SFRP5: variants seen among roughly 807,000 people sequenced by gnomAD.
SFRP5 encodes the protein secreted frizzled related protein 5.
In SFRP5, 22 loss-of-function variants were observed where a neutral mutation model predicts 27.0. That is an observed-to-expected ratio of 0.82 (90% CI 0.58 to 1.17). The LOEUF is 1.17. Among genes scored for constraint, SFRP5 ranks in the 50% most tolerant of loss-of-function variants. The pLI is 0.00. For missense variants in SFRP5, 406 were observed against 436.6 expected (o/e 0.93, Z 0.63); for synonymous variants, 171 against 195.0 (o/e 0.88, Z 1.03).
intron 2 of SFRP5, among the ~76,000 whole-genome samples, chr10:97,768,725 A>T (rs1181863549): frequency 2.0e-5 from 3 of 152,090 alleles, no homozygotes; most frequent in Admixed American, 6.5e-5. Flanking sequence ...CCAGAGAGCC[A>T]TGGTGCAGGT....
Position 97,771,856 on chromosome 10 carries a change from C to A in SFRP5, c.-23G>T. 9.6e-7 allele frequency: 1 copy of A among 1,046,546 alleles called. No individual in the cohort carries two copies. Among genetic ancestry groups the A allele is most frequent in the Non-Finnish European group, 1.1e-6 (1 of 871,234 alleles). 64.8% of individuals were successfully genotyped at this position (1,046,546 alleles called of 1,614,324 possible). ...CATGGCTGCGCCCTCTCCAGGTGCG[C>A]GCCGCGCAGCCCCCCGACGCTCGGT... On this transcript the variant is annotated 5_prime_UTR_variant, in exon 1 of 3. Transcript: ENST00000266066. The surrounding 1 kb of genome is among the most constrained non-coding windows in gnomAD (Gnocchi z 5.2).
In SFRP5 at chr10:97,770,227, G is replaced by C. The variant is rs185564960; in HGVS notation, c.530-482C>G. ...TGAGATTACAGGCGTGTGCCACCAC[G>C]CTCGGCTAATTTTTGTATTTTCAGT... On this transcript the variant is annotated intron_variant, in intron 1 of 2. Coordinates refer to ENST00000266066, the MANE Select transcript of SFRP5 (RefSeq NM_003015.3). Among the ~76,000 whole-genome samples the C allele has an allele frequency of 4.6e-4, 70 of 152,260 alleles. No individual in the cohort carries two copies. In the East Asian group the frequency reaches 0.013, roughly 29 times the overall value.
chr10:97,767,498 C>T lies in SFRP5; in HGVS notation c.*16G>A, dbSNP rs1014329838. The T allele has an allele frequency of 1.1e-5, 18 of 1,572,876 alleles. No homozygotes were observed. The highest frequency in any genetic ancestry group is 5.3e-5 in the Admixed American group (3 of 57,000). ...GGCAAGCAAGGCACAGCTGGCAGGG[C>T]AAGGAGGAGTGCCCTTCAGTGGGGC... On this transcript the variant is annotated 3_prime_UTR_variant, in exon 3 of 3. Coordinates refer to ENST00000266066, the MANE Select transcript of SFRP5 (RefSeq NM_003015.3).
intron 2 of SFRP5, among the ~76,000 whole-genome samples, chr10:97,768,727 G>T (rs1423338489): frequency 6.6e-6 from 1 of 152,080 alleles, no homozygotes; most frequent in Non-Finnish European, 1.5e-5. Flanking sequence ...AGAGAGCCAT[G>T]GTGCAGGTCA....
intron 2 of SFRP5, among the ~76,000 whole-genome samples, chr10:97,769,048 C>T (rs2049501220): frequency 6.6e-6 from 1 of 152,176 alleles, no homozygotes; most frequent in South Asian, 2.1e-4. Flanking sequence ...TTATCATCTC[C>T]TTTTTTCTTT....
chr10:97,767,867 G>GA lies in SFRP5; in HGVS notation c.608-8dup, dbSNP rs1398606421. Reference sequence around the variant, plus strand: ...TTGATGCGCATTTTGACCACTGTGGGAAGAAAGGACAGGGGCAAGTTGGGA... The same window carrying GA: ...TTGATGCGCATTTTGACCACTGTGGGAAAGAAAGGACAGGGGCAAGTTGGGA... On this transcript the variant is annotated splice_region_variant and splice_polypyrimidine_tract_variant and intron_variant, in intron 2 of 2. Transcript: ENST00000266066. 1 of 1,519,616 alleles carries GA rather than the reference G, an allele frequency of 6.6e-7. No homozygotes were observed. Among genetic ancestry groups the GA allele is most frequent in the East Asian group, 2.3e-5 (1 of 44,126 alleles). The allele number at this position is 1,519,616 out of a possible 1,614,324, so 94.1% of individuals were successfully genotyped here.
Position 97,771,700 on chromosome 10 carries a change from C to A in SFRP5, c.134G>T (p.Arg45Leu), listed in dbSNP as rs763199482. 1.3e-6 allele frequency: 2 copies of A among 1,598,356 alleles called. No homozygotes were observed. The highest frequency in any genetic ancestry group is 1.7e-6 in the Non-Finnish European group (2 of 1,179,376). ...YGWQAEPLHG[R>L]SYSKPPQCLD... ...GCACTGCGGCGGCTTGGAGTAGGAG[C>A]GGCCGTGCAGCGGCTCGGCCTGCCA... Residue 45 changes from arginine to leucine, a missense_variant, in exon 1 of 3, where the codon CGC becomes CTC. Coordinates refer to ENST00000266066, the MANE Select transcript of SFRP5 (RefSeq NM_003015.3). The surrounding 1 kb of genome is among the most constrained non-coding windows in gnomAD (Gnocchi z 5.2).
At chr10:97,770,753 C>G (rs545586957) in intron 1 of SFRP5, among the ~76,000 whole-genome samples, 1 of 152,304 alleles carries the variant, frequency 6.6e-6, no homozygotes, top group Non-Finnish European at 1.5e-5. Flanking sequence ...GGGTGGAGAT[C>G]TTAGGGTTCC....
chr10:97,768,572 GTGTA>G (rs1244552468), intron 2 of SFRP5, among the ~76,000 whole-genome samples: 1 of 152,210 alleles, frequency 6.6e-6, no homozygotes, highest in Non-Finnish European at 1.5e-5. Context: ...GTACAGTAAT[GTGTA>G]TGTGTGTGAG....
intron 1 of SFRP5, 98 bp from the exon 2 acceptor site, chr10:97,769,843 C>G (rs1490789223): frequency 2.6e-6 from 2 of 761,746 alleles, no homozygotes; most frequent in East Asian, 2.7e-5. Flanking sequence ...TGACCAGCCA[C>G]TTCCCCTTGC....
chr10:97,767,758 C>G lies in SFRP5; in HGVS notation c.710G>C (p.Arg237Pro). The change falls in exon 3 of 3, where the codon CGC becomes CCC. Residue 237 changes from arginine (R) to proline (P), a missense_variant. Transcript: ENST00000266066. ...CAGCACCAGCCGCTTGGTGTCCTTG[C>G]GCTTCAGGGGGCCCGGCTTGAGCAG... ...KKLLKPGPLK[R>P]KDTKRLVLHM... 1 of 1,600,718 alleles carries G rather than the reference C, an allele frequency of 6.2e-7. No homozygotes were observed. Among genetic ancestry groups the G allele is most frequent in the East Asian group, 2.2e-5 (1 of 44,682 alleles).
intron 1 of SFRP5, among the ~76,000 whole-genome samples, chr10:97,770,656 C>T (rs1010904892): frequency 2.6e-5 from 4 of 152,210 alleles, no homozygotes; most frequent in African/African-American, 9.6e-5. Context: ...TGCCTAAGGG[C>T]TTCTCTTCAG....
At position 97,767,208 on chromosome 10, in the gene SFRP5, C is replaced by T. The variant is rs962316438; in HGVS notation, c.*306G>A. ...ACACCACCTTCTACTCTGAAACCTC[C>T]GCCTCAGGGTGCCCTGAGCCCCTCC... On this transcript the variant is annotated 3_prime_UTR_variant, in exon 3 of 3. Transcript: ENST00000266066. 17 of 272,860 alleles carry T rather than the reference C, an allele frequency of 6.2e-5. No homozygotes were observed. Among genetic ancestry groups the T allele is most frequent in the African/African-American group, 1.8e-4 (8 of 45,544 alleles). The allele number at this position is 272,860 out of a possible 1,614,324, so 16.9% of individuals were successfully genotyped here.
At position 97,771,233 on chromosome 10, in the gene SFRP5, G is replaced by T; in HGVS notation, c.529+72C>A. 2 of 943,960 alleles carry T rather than the reference G, an allele frequency of 2.1e-6. No homozygotes were observed. Among genetic ancestry groups the T allele is most frequent in the South Asian group, 1.7e-5 (1 of 57,904 alleles). 58.5% of individuals were successfully genotyped at this position (943,960 alleles called of 1,614,324 possible). ...GGAGGGGGGGAGCTGCACCTCTTGG[G>T]GGGTTCGCAGAGCTGTGCTAGGGGA... On this transcript the variant is annotated intron_variant, in intron 1 of 2. Transcript: ENST00000266066. The surrounding 1 kb of genome is among the most constrained non-coding windows in gnomAD (Gnocchi z 5.2).
rs1252341555 is a variant in SFRP5 at position 97,767,723 on chromosome 10, T to A, written c.745A>T (p.Asn249Tyr). 6.2e-7 allele frequency: 1 copy of A among 1,613,720 alleles called. No homozygotes were observed. The highest frequency in any genetic ancestry group is 1.1e-5 in the South Asian group (1 of 91,044). The part of the protein sequence containing the change: ...DTKRLVLHMK[N>Y]GAGCPCPQLD... ...TGTGGGCAGGGGCAGCCCGCGCCAT[T>A]CTTCATGTGCAGCACCAGCCGCTTG... The change falls in exon 3 of 3, where the codon AAT becomes TAT. Residue 249 changes from asparagine (N) to tyrosine (Y), a missense_variant. By Grantham distance (143) the Asn-to-Tyr change is moderately radical. Transcript: ENST00000266066.
At position 97,771,534 on chromosome 10, in the gene SFRP5, G is replaced by A. The variant is rs769024436; in HGVS notation, c.300C>T (p.Cys100=). 1.2e-6 allele frequency: 2 copies of A among 1,610,640 alleles called. No homozygotes were observed. Among genetic ancestry groups the A allele is most frequent in the Admixed American group, 1.7e-5 (1 of 59,912 alleles). The part of the protein sequence containing the change: ...SSWLPLLAKR[C]HSDTQVFLCS... The stretch of plus-strand genomic sequence containing the variant: ...ACAGGAAGACCTGCGTATCCGAGTG[G>A]CAGCGCTTGGCCAGCAGCGGCAGCC... The change falls in exon 1 of 3, where the codon TGC becomes TGT. Residue 100 remains cysteine (C), a synonymous_variant. Transcript: ENST00000266066. The surrounding 1 kb of genome is among the most constrained non-coding windows in gnomAD (Gnocchi z 5.2).
intron 2 of SFRP5, among the ~76,000 whole-genome samples, chr10:97,768,423 C>T (rs2049497578): frequency 6.6e-6 from 1 of 152,080 alleles, no homozygotes; most frequent in Non-Finnish European, 1.5e-5. Context: ...TAACAGCCGG[C>T]TCTGTGGACA....
In SFRP5 at chr10:97,767,679, GCC is replaced by G; in HGVS notation, c.787_788del (p.Gly263GlnfsTer26). On this transcript the variant is annotated frameshift_variant, in exon 3 of 3. Transcript: ENST00000266066. LOFTEE classifies it high-confidence loss of function. ...CTTTGCGGCCCATGACCAGGAAGCTGCCCGCCAGGCTGTCCAGCTGTGGGCAG... is the reference window on the plus strand; with the variant it reads ...CTTTGCGGCCCATGACCAGGAAGCTGCGCCAGGCTGTCCAGCTGTGGGCAG... ...CPCPQLDSLAGSFLVMGRKVD... is the reference protein window; with the variant it reads ...CPCPQLDSLAXSFLVMGRKVD... The G allele has an allele frequency of 6.2e-7, 1 of 1,614,116 alleles. No homozygotes were observed. Among genetic ancestry groups the G allele is most frequent in the South Asian group, 1.1e-5 (1 of 91,084 alleles).
chr10:97,771,888 C>G lies in SFRP5; in HGVS notation c.-55G>C, dbSNP rs1331883726. 1.0e-6 allele frequency: 1 copy of G among 1,003,518 alleles called. No homozygotes were observed. The highest frequency in any genetic ancestry group is 1.2e-6 in the Non-Finnish European group (1 of 841,812). 62.2% of individuals were successfully genotyped at this position (1,003,518 alleles called of 1,614,324 possible). A position where few individuals can be genotyped will look rare whatever the true frequency, so the allele number is the denominator to read the frequency against. On this transcript the variant is annotated 5_prime_UTR_variant, in exon 1 of 3. Transcript: ENST00000266066. This position sits in a 1 kb window ranked among gnomAD's most constrained non-coding sequence, Gnocchi z 5.2. Reference sequence around the variant, plus strand: ...CAGCCCCCCGACGCTCGGTGCCCGGCGGCCCAGGTGTTCCGGCGTGCGCCC... The same window carrying G: ...CAGCCCCCCGACGCTCGGTGCCCGGGGGCCCAGGTGTTCCGGCGTGCGCCC...
Sources: gnomAD v4.1 joint callset for allele counts (sites outside exome capture counted in the v4.1 genomes callset) on GRCh38, gnomAD v4.1.1 for gene constraint, Gnocchi (gnomAD v3.1) non-coding constraint, MANE v1.5 for transcripts, NCBI Gene and HGNC (gene_info 2026-07-23, HGNC 2026-07-21) for gene names.